Variants in CLIC6 observed in about 807,000 individuals in gnomAD.
The protein encoded by CLIC6 is CLIC family member 6.
A neutral mutation model predicts 49.2 loss-of-function variants in CLIC6; 39 were observed. The observed-to-expected ratio is 0.79, with a 90% CI of 0.61 to 1.04. The LOEUF is 1.04. Ranked by LOEUF, CLIC6 falls within the 50% of genes least tolerant of loss-of-function variation. CLIC6 has a pLI of 0.00. For missense variants in CLIC6, 988 were observed against 993.1 expected (o/e 0.99, Z 0.07); for synonymous variants, 446 against 433.4 (o/e 1.03, Z -0.36).
intron 1 of CLIC6, among the ~76,000 whole-genome samples, chr21:34,671,907 C>CT (rs1180611392): frequency 2.6e-5 from 4 of 152,080 alleles, no homozygotes; most frequent in African/African-American, 9.7e-5. Flanking sequence ...CTGTTTCTGG[C>CT]TTTTTTCAAG....
chr21:34,678,991 A>G (rs974445801), intron 1 of CLIC6, among the ~76,000 whole-genome samples: 11 of 152,352 alleles, frequency 7.2e-5, no homozygotes, highest in Middle Eastern at 3.4e-3. Flanking sequence ...AATTGTCCCA[A>G]GACCTAGAAT....
chr21:34,716,703 C>T lies in CLIC6; in HGVS notation c.*221C>T, dbSNP rs2056087259. ...CTTTGTAATTACAAAATGAGACACA[C>T]CTATCTTGATATTTTAAAGCAATAT... On this transcript the variant is annotated 3_prime_UTR_variant, in exon 6 of 6. Transcript: ENST00000349499. 1 of 373,614 alleles carries T rather than the reference C, an allele frequency of 2.7e-6. No individual in the cohort carries two copies. Among genetic ancestry groups the T allele is most frequent in the Non-Finnish European group, 4.8e-6 (1 of 209,198 alleles). The allele number at this position is 373,614 out of a possible 1,614,324, so 23.1% of individuals were successfully genotyped here.
At chr21:34,711,201 G>T (rs2056054066) in intron 5 of CLIC6, among the ~76,000 whole-genome samples, 5 of 152,200 alleles carry the variant, frequency 3.3e-5, no homozygotes, top group Admixed American at 3.3e-4. Context: ...GTCATGGACT[G>T]TTTGTTCTAA....
chr21:34,693,976 T>G (rs1256649363), intron 1 of CLIC6, among the ~76,000 whole-genome samples: 3 of 54,948 alleles, frequency 5.5e-5, no homozygotes, highest in Admixed American at 1.3e-4. Context: ...TGTTGTTTTC[T>G]TTTTTTTTTT....
chr21:34,685,532 C>T (rs867165986), intron 1 of CLIC6, among the ~76,000 whole-genome samples: 1 of 152,294 alleles, frequency 6.6e-6, no homozygotes, highest in African/African-American at 2.4e-5. Flanking sequence ...TTAACTCTCT[C>T]CCCCAGCTTT....
At chr21:34,676,182 A>T (rs1329403711) in intron 1 of CLIC6, among the ~76,000 whole-genome samples, 1 of 152,182 alleles carries the variant, frequency 6.6e-6, no homozygotes, top group Non-Finnish European at 1.5e-5. Context: ...CTTCAGAAAT[A>T]CTACACTGGG....
intron 5 of CLIC6, among the ~76,000 whole-genome samples, chr21:34,715,111 C>T (rs2056078888): frequency 6.6e-6 from 1 of 152,172 alleles, no homozygotes; most frequent in Non-Finnish European, 1.5e-5. Context: ...AAGATCTTCT[C>T]ATTAACCCCA....
chr21:34,696,580 G>A (rs957458728), intron 1 of CLIC6, among the ~76,000 whole-genome samples: 1 of 152,162 alleles, frequency 6.6e-6, no homozygotes, highest in African/African-American at 2.4e-5. Flanking sequence ...CTGTGTCTTG[G>A]TTTTCTTAAA....
At position 34,690,783 on chromosome 21, in the gene CLIC6, T is replaced by G. The variant is rs1219951268; in HGVS notation, c.1375-16497T>G. Among the ~76,000 whole-genome samples the G allele has an allele frequency of 5.4e-5, 8 of 147,166 alleles. No homozygotes were observed. The South Asian group carries it at 1.7e-3, about 31-fold the overall frequency. The stretch of plus-strand genomic sequence containing the variant: ...TGATTTCAGCCTGGGTCAGGGTTAG[T>G]GAATCCTGAAATAGTGTGGGTGCCC... On this transcript the variant is annotated intron_variant, in intron 1 of 5. Coordinates refer to ENST00000349499, the MANE Select transcript of CLIC6 (RefSeq NM_053277.3).
In CLIC6 at chr21:34,712,805, C is replaced by T. The variant is rs182289325; in HGVS notation, c.1899+3267C>T. Among the ~76,000 whole-genome samples the T allele has an allele frequency of 2.0e-3, 308 of 152,328 alleles. 3 individuals carry two copies. Among genetic ancestry groups the T allele is most frequent in the African/African-American group, 7.1e-3 (295 of 41,576 alleles). ...ATTGCCCAAACTTCGTTTCTAGCCA[C>T]AGTGGCCTTCTGCCTAATCTGTGAG... is the stretch of plus-strand genomic sequence containing the variant. On this transcript the variant is annotated intron_variant, in intron 5 of 5. Coordinates refer to ENST00000349499, the MANE Select transcript of CLIC6 (RefSeq NM_053277.3).
At chr21:34,710,118 A>T (rs1190972808) in intron 5 of CLIC6, among the ~76,000 whole-genome samples, 3 of 146,096 alleles carry the variant, frequency 2.1e-5, no homozygotes, top group African/African-American at 2.6e-5. Flanking sequence ...ACAAAAAATA[A>T]AAAAAAAAAA....
intron 1 of CLIC6, among the ~76,000 whole-genome samples, chr21:34,697,466 G>C (rs1990108390): frequency 6.6e-6 from 1 of 150,600 alleles, no homozygotes; most frequent in Admixed American, 6.6e-5. Context: ...CCCTATCTTT[G>C]GTCCCACCTC....
rs1192971081 is a variant in CLIC6, at chr21:34,669,441, C to T, written c.53C>T (p.Pro18Leu). The part of the protein sequence containing the change: ...EGVAPGPQGP[P>L]EVPAPLAERP... ...GTTGCCCCGGGTCCCCAGGGGCCGC[C>T]GGAGGTCCCCGCGCCTCTGGCTGAG... The change falls in exon 1 of 6, where the codon CCG (proline) becomes CTG (leucine). Residue 18 changes from proline to leucine, a missense_variant. Transcript: ENST00000349499. The T allele has an allele frequency of 9.7e-6, 12 of 1,234,120 alleles. No individual in the cohort carries two copies. The African/African-American group carries it at 1.6e-4, about 16-fold the overall frequency. 76.4% of individuals were successfully genotyped at this position (1,234,120 alleles called of 1,614,324 possible). A position where few individuals can be genotyped will look rare whatever the true frequency, so the allele number is the denominator to read the frequency against.
chr21:34,670,386 A>G lies in CLIC6; in HGVS notation c.998A>G (p.Glu333Gly). 1 of 1,454,896 alleles carries G rather than the reference A, an allele frequency of 6.9e-7. No individual in the cohort carries two copies. The allele number at this position is 1,454,896 out of a possible 1,614,324, so 90.1% of individuals were successfully genotyped here. The change falls in exon 1 of 6, where the codon GAG (glutamate) becomes GGG (glycine). Residue 333 changes from glutamate (E) to glycine (G), a missense_variant. Glu to Gly is a moderately conservative substitution (Grantham distance 98). This residue lies in a region of CLIC6 where 647 missense variants were observed against 596.9 expected (regional missense o/e 1.08). Coordinates refer to ENST00000349499, the MANE Select transcript of CLIC6 (RefSeq NM_053277.3). ...GAGCTCGCCTGGGACGCAGCGGAGG[A>G]GGCGGAGGTCCCGGGGGTAAAGGGG... ...PGELAWDAAE[E>G]AEVPGVKGSE...
intron 1 of CLIC6, among the ~76,000 whole-genome samples, chr21:34,673,209 A>T (rs1463209122): frequency 6.6e-6 from 1 of 152,080 alleles, no homozygotes; most frequent in African/African-American, 2.4e-5. Flanking sequence ...TATTCTGATG[A>T]TTGATCTGGT....
chr21:34,714,692 CAAAAAAAAAAA>C (rs77701951), intron 5 of CLIC6, among the ~76,000 whole-genome samples: 1 of 85,834 alleles, frequency 1.2e-5, no homozygotes, highest in Non-Finnish European at 2.5e-5. Context: ...CTCAAAAAAA[CAAAAAAAAAAA>C]AAAAAAACTT....
In CLIC6 at chr21:34,670,196, G is replaced by A. The variant is rs756240337; in HGVS notation, c.808G>A (p.Val270Ile). ...AGCGGGGGTCCCGGCGGGGGACAGC[G>A]TAGAAGCCGAAGGCCCGGCGGGGGA... is the stretch of plus-strand genomic sequence containing the variant. ...VEAGVPAGDS[V>I]EAEGPAGDSM... The change falls in exon 1 of 6, where the codon GTA (valine) becomes ATA (isoleucine). Residue 270 changes from valine to isoleucine, a missense_variant. Coordinates refer to ENST00000349499, the MANE Select transcript of CLIC6 (RefSeq NM_053277.3). 23 of 1,380,190 alleles carry A rather than the reference G, an allele frequency of 1.7e-5. No individual in the cohort carries two copies. The highest frequency in any genetic ancestry group is 2.1e-5 in the Non-Finnish European group (23 of 1,072,518). 85.5% of individuals were successfully genotyped at this position (1,380,190 alleles called of 1,614,324 possible).
intron 1 of CLIC6, among the ~76,000 whole-genome samples, chr21:34,689,600 T>A (rs1341879388): frequency 6.6e-6 from 1 of 152,020 alleles, no homozygotes; most frequent in Non-Finnish European, 1.5e-5. Context: ...CTGAAGCTTT[T>A]TTTTTTTTTC....
chr21:34,701,391 C>T (rs1276640357), intron 1 of CLIC6, among the ~76,000 whole-genome samples: 2 of 151,024 alleles, frequency 1.3e-5, no homozygotes, highest in African/African-American at 4.9e-5. Context: ...AATTGAGGCT[C>T]GTTAAAAGGC....
Sources: allele counts gnomAD v4.1 joint callset (sites outside exome capture counted in the v4.1 genomes callset), GRCh38; gene constraint gnomAD v4.1.1; regional missense constraint gnomAD v4.1.1; transcripts MANE v1.5; gene names NCBI Gene and HGNC (gene_info 2026-07-23, HGNC 2026-07-21).